GIPR: variants seen among roughly 807,000 people sequenced by gnomAD.
The protein encoded by GIPR is gastric inhibitory polypeptide receptor, also known as GIP-R.
GIPR carries 74 observed loss-of-function variants against 62.2 expected under a neutral mutation model. That is an observed-to-expected ratio of 1.19 (90% CI 0.99 to 1.44). The LOEUF (loss-of-function observed/expected upper bound fraction) is 1.44, where lower values mean the gene tolerates loss of function less well. Ranked by LOEUF, GIPR falls within the 40% of genes most tolerant of loss-of-function variation. The pLI is 0.00. For synonymous variants in GIPR, 256 were observed against 262.2 expected (o/e 0.98, Z 0.23); for missense variants, 664 against 611.8 (o/e 1.09, Z -0.90).
chr19:45,674,038 C>T (rs777949933), intron 5 of GIPR, 36 bp from the exon 6 acceptor site: 1 of 1,266,774 alleles, frequency 7.9e-7, no homozygotes, highest in Admixed American at 1.7e-5. Flanking sequence ...GGCTTCGAGC[C>T]AAGCCTTGTT....
chr19:45,680,285 C>T (rs547082636), intron 12 of GIPR, among the ~76,000 whole-genome samples: 1 of 152,196 alleles, frequency 6.6e-6, no homozygotes, highest in South Asian at 2.1e-4. Flanking sequence ...TCGCTTGAAC[C>T]TGGGAGGCAG....
At chr19:45,674,567 A>G in intron 6 of GIPR, 115 bp from the exon 7 acceptor site, 1 of 923,720 alleles carries the variant, frequency 1.1e-6, no homozygotes, top group South Asian at 1.4e-5. Context: ...TGATTGTGTC[A>G]CTGCATTCTA....
intron 1 of GIPR, among the ~76,000 whole-genome samples, chr19:45,668,527 C>T (rs1975376536): frequency 6.6e-6 from 1 of 152,234 alleles, no homozygotes; most frequent in South Asian, 2.1e-4. Context: ...ACGTCTCTGC[C>T]TCTTCTTTGT....
intron 2 of GIPR, chr19:45,670,394 A>G (rs924417847): frequency 2.5e-5 from 11 of 442,376 alleles, no homozygotes; most frequent in Admixed American, 7.4e-5. Context: ...TCCTCCTGAT[A>G]ATTTCCAGCC....
intron 5 of GIPR, 101 bp from the exon 6 acceptor site, chr19:45,673,973 G>A (rs1175245934): frequency 7.6e-6 from 6 of 793,572 alleles, no homozygotes; most frequent in Middle Eastern, 2.6e-4. Context: ...GATAAAATAG[G>A]GTATTTGGGC....
chr19:45,676,813 T>C, intron 7 of GIPR, 136 bp from the exon 8 acceptor site: 1 of 778,814 alleles, frequency 1.3e-6, no homozygotes, highest in Non-Finnish European at 2.2e-6. Context: ...CAATCACAGA[T>C]ACCATTCACT....
rs759194770 is a variant in GIPR at position 45,678,106 on chromosome 19, G to C, written c.1032G>C (p.Leu344=). ...TCCCCAGGCTGGCTCGCTCCACGCTGACGCTGGTGCCCCTGCTGGGTGTCC... is the reference window on the plus strand; with the variant it reads ...TCCCCAGGCTGGCTCGCTCCACGCTCACGCTGGTGCCCCTGCTGGGTGTCC... ...DYRLRLARST[L]TLVPLLGVHE... Residue 344 remains leucine (L), a synonymous_variant, in exon 12 of 14, where the codon CTG becomes CTC. Coordinates refer to ENST00000590918, the MANE Select transcript of GIPR (RefSeq NM_000164.4). 4 of 1,612,744 alleles carry C rather than the reference G, an allele frequency of 2.5e-6. No homozygotes were observed. In the East Asian group the frequency reaches 8.9e-5, roughly 36 times the overall value.
intron 3 of GIPR, 27 bp from the exon 4 acceptor site, chr19:45,671,258 G>T: frequency 7.2e-7 from 1 of 1,382,716 alleles, no homozygotes; most frequent in Non-Finnish European, 1.0e-6. Flanking sequence ...GGTCCACTGG[G>T]CACCTGGCCC....
chr19:45,672,086 A>C (rs1195777515), intron 4 of GIPR, among the ~76,000 whole-genome samples: 2 of 150,880 alleles, frequency 1.3e-5, no homozygotes, highest in Non-Finnish European at 3.0e-5. Flanking sequence ...ATCATAGTTC[A>C]CTGCAGCCTG....
chr19:45,681,868 G>A lies in GIPR; in HGVS notation c.1334G>A (p.Gly445Asp). The A allele has an allele frequency of 1.3e-6, 2 of 1,554,832 alleles. No individual in the cohort carries two copies. The highest frequency in any genetic ancestry group is 1.7e-6 in the Non-Finnish European group (2 of 1,148,720). Residue 445 changes from glycine (G) to aspartate (D), a missense_variant, in exon 14 of 14, where the codon GGC becomes GAC. Gly to Asp is a moderately conservative substitution (Grantham distance 94). Transcript: ENST00000590918. ...CCGGGCGAGGTCCCCACCAGCCGCG[G>A]CTTGTCCTCGGGGACCCTCCCAGGG... ...SGPGEVPTSR[G>D]LSSGTLPGPG...
intron 1 of GIPR, among the ~76,000 whole-genome samples, chr19:45,668,722 C>T (rs1975385129): frequency 6.6e-6 from 1 of 152,210 alleles, no homozygotes; most frequent in South Asian, 2.1e-4. Flanking sequence ...TCTTTCTCTA[C>T]GTGGAGCCGC....
intron 3 of GIPR, among the ~76,000 whole-genome samples, 193 bp from the exon 4 acceptor site, chr19:45,671,092 G>A (rs534745369): frequency 8.5e-5 from 13 of 152,172 alleles, no homozygotes; most frequent in Middle Eastern, 3.4e-3. Context: ...GGAGCTTTGA[G>A]GCTGGTGGGA....
chr19:45,680,657 C>A (rs1275120992), intron 12 of GIPR, among the ~76,000 whole-genome samples: 2 of 151,966 alleles, frequency 1.3e-5, no homozygotes, highest in East Asian at 3.9e-4. Flanking sequence ...GGCAAAAATT[C>A]TGTCTCTACT....
Position 45,681,963 on chromosome 19 carries a change from T to C in GIPR, c.*28T>C, listed in dbSNP as rs1387991272. On this transcript the variant is annotated 3_prime_UTR_variant, in exon 14 of 14. Coordinates refer to ENST00000590918, the MANE Select transcript of GIPR (RefSeq NM_000164.4). ...GGCGGGATCCCCGTGTCTGTTCAGTTAGCATGGATTTATTGAGTGCCAACT... is the reference window on the plus strand; with the variant it reads ...GGCGGGATCCCCGTGTCTGTTCAGTCAGCATGGATTTATTGAGTGCCAACT... 6.5e-7 allele frequency: 1 copy of C among 1,533,104 alleles called. No homozygotes were observed. Among genetic ancestry groups the C allele is most frequent in the African/African-American group, 1.4e-5 (1 of 72,994 alleles). The allele number at this position is 1,533,104 out of a possible 1,614,324, so 95.0% of individuals were successfully genotyped here. A position where few individuals can be genotyped will look rare whatever the true frequency, so the allele number is the denominator to read the frequency against.
chr19:45,669,327 G>A (rs1168919149), intron 1 of GIPR, 150 bp from the exon 2 acceptor site: 1 of 723,764 alleles, frequency 1.4e-6, no homozygotes, highest in Admixed American at 2.3e-5. Context: ...CATCACGCCT[G>A]GGAGTTGCGG....
At chr19:45,680,520 C>G (rs1370766878) in intron 12 of GIPR, among the ~76,000 whole-genome samples, 1 of 151,982 alleles carries the variant, frequency 6.6e-6, no homozygotes, top group African/African-American at 2.4e-5. Flanking sequence ...GGTGACAGAG[C>G]CAGACCCTGT....
At chr19:45,674,030 C>A in intron 5 of GIPR, 44 bp from the exon 6 acceptor site, 2 of 1,136,868 alleles carry the variant, frequency 1.8e-6, no homozygotes, top group Non-Finnish European at 2.7e-6. Flanking sequence ...GGGCCTGGGG[C>A]TTCGAGCCAA....
At position 45,677,721 on chromosome 19, in the gene GIPR, G is replaced by T. The variant is rs1177407521; in HGVS notation, c.866G>T (p.Arg289Leu). The change falls in exon 10 of 14, where the codon CGC becomes CTC. Residue 289 changes from arginine (R) to leucine (L), a missense_variant. Arg to Leu is a moderately radical substitution (Grantham distance 102). Transcript: ENST00000590918. ...YLYENTQCWE[R>L]NEVKAIWWII... ...TCCGCCTTCCCCAGGTGCTGGGAGC[G>T]CAACGAAGTCAAGGCCATTTGGTGG... The T allele has an allele frequency of 1.2e-6, 2 of 1,612,446 alleles. No individual in the cohort carries two copies. Among genetic ancestry groups the T allele is most frequent in the Non-Finnish European group, 1.7e-6 (2 of 1,178,614 alleles).
chr19:45,668,315 C>T lies in GIPR; in HGVS notation c.-45+17C>T, dbSNP rs1975366932. The T allele has an allele frequency of 6.6e-6, 1 of 152,670 alleles. No individual in the cohort carries two copies. Among genetic ancestry groups the T allele is most frequent in the Admixed American group, 6.6e-5 (1 of 15,242 alleles). The allele number at this position is 152,670 out of a possible 1,614,324, so 9.5% of individuals were successfully genotyped here. ...TGGGGACAGGTGAGGGCTCCCCAATCCCAGCCCATTCTCCCTGCCCCCCCT... is the reference window on the plus strand; with the variant it reads ...TGGGGACAGGTGAGGGCTCCCCAATTCCAGCCCATTCTCCCTGCCCCCCCT... On this transcript the variant is annotated intron_variant, in intron 1 of 13. Coordinates refer to ENST00000590918, the MANE Select transcript of GIPR (RefSeq NM_000164.4).
Sources: allele counts gnomAD v4.1 joint callset (sites outside exome capture counted in the v4.1 genomes callset), GRCh38; gene constraint gnomAD v4.1.1; transcripts MANE v1.5; gene names NCBI Gene and HGNC (gene_info 2026-07-23, HGNC 2026-07-21).